Variants in ENTREP2 observed in about 807,000 individuals in gnomAD.
The protein encoded by ENTREP2 is endosomal transmembrane epsin interactor 2.
chr15:29,461,618 G>A, the ENTREP2 span, among the ~76,000 whole-genome samples: 1 of 151,986 alleles, frequency 6.6e-6, no homozygotes, highest in East Asian at 1.9e-4. Flanking sequence ...AGTAGTACAG[G>A]TGTCTGCCAC....
At chr15:29,434,619 C>A in the ENTREP2 span, among the ~76,000 whole-genome samples, 1 of 152,150 alleles carries the variant, frequency 6.6e-6, no homozygotes, top group Non-Finnish European at 1.5e-5. Context: ...ATCTCACTCT[C>A]GCAGGTTTGA....
the ENTREP2 span, among the ~76,000 whole-genome samples, chr15:29,119,599 TAAA>T: frequency 3.6e-5 from 1 of 27,724 alleles, no homozygotes; most frequent in African/African-American, 8.6e-5. Context: ...TAGAGTATAA[TAAA>T]AAAAAAATTA....
At chr15:29,461,402 T>C in the ENTREP2 span, among the ~76,000 whole-genome samples, 17 of 152,308 alleles carry the variant, frequency 1.1e-4, no homozygotes, top group East Asian at 2.9e-3. Flanking sequence ...TCAAGAAAGG[T>C]AATTTTTCAT....
At chr15:29,631,026 TCTC>T in the ENTREP2 span, among the ~76,000 whole-genome samples, 2 of 152,216 alleles carry the variant, frequency 1.3e-5, no homozygotes, top group African/African-American at 4.8e-5. Context: ...CTAATTTTAT[TCTC>T]CGTCATCTCT....
the ENTREP2 span, among the ~76,000 whole-genome samples, chr15:29,125,923 T>G: frequency 2.7e-4 from 41 of 152,270 alleles, no homozygotes; most frequent in East Asian, 7.6e-3. Flanking sequence ...GACACCCCCA[T>G]GCCCAGAGCT....
At chr15:29,572,468 CCATT>C in the ENTREP2 span, among the ~76,000 whole-genome samples, 14 of 152,020 alleles carry the variant, frequency 9.2e-5, no homozygotes, top group Admixed American at 2.0e-4. Flanking sequence ...ATCATCTCCC[CCATT>C]CATTCATTCA....
the ENTREP2 span, among the ~76,000 whole-genome samples, chr15:29,218,603 G>A: frequency 1.3e-5 from 2 of 152,022 alleles, no homozygotes; most frequent in South Asian, 2.1e-4. Context: ...GCATAATACT[G>A]GTATAAAAAT....
the ENTREP2 span, among the ~76,000 whole-genome samples, chr15:29,237,897 T>A: frequency 6.6e-6 from 1 of 152,158 alleles, no homozygotes. Flanking sequence ...AAAACTTGTA[T>A]ATAAATGTTT....
At chr15:29,235,104 A>C in the ENTREP2 span, 1 of 1,064,734 alleles carries the variant, frequency 9.4e-7, no homozygotes, top group Non-Finnish European at 1.5e-6. Context: ...CTCATGTCCC[A>C]CAACAGATGT....
the ENTREP2 span, among the ~76,000 whole-genome samples, chr15:29,371,327 C>T: frequency 1.3e-5 from 2 of 149,414 alleles, no homozygotes; most frequent in African/African-American, 5.0e-5. Flanking sequence ...GTGCCACCCT[C>T]CCATACCACC....
the ENTREP2 span, among the ~76,000 whole-genome samples, chr15:29,293,335 C>T: frequency 2.0e-5 from 3 of 152,038 alleles, no homozygotes; most frequent in Non-Finnish European, 2.9e-5. Context: ...ACTGCAAGCT[C>T]CACCTCCTGG....
chr15:29,299,883 G>A, the ENTREP2 span, among the ~76,000 whole-genome samples: 5 of 150,594 alleles, frequency 3.3e-5, no homozygotes, highest in East Asian at 6.0e-4. Context: ...GGTGGGGGAT[G>A]GATGGATGGA....
chr15:29,600,441 AT>A, the ENTREP2 span, among the ~76,000 whole-genome samples: 8,599 of 142,536 alleles, frequency 0.06, 448 homozygotes, highest in African/African-American at 0.16. Flanking sequence ...CTCTCCCACC[AT>A]CATCATCATC....
chr15:29,255,695 C>T, the ENTREP2 span, among the ~76,000 whole-genome samples: 2 of 151,988 alleles, frequency 1.3e-5, no homozygotes, highest in Non-Finnish European at 2.9e-5. Context: ...GAATACTACG[C>T]AACCATAAAA....
At chr15:29,281,479 T>G in the ENTREP2 span, among the ~76,000 whole-genome samples, 3 of 152,122 alleles carry the variant, frequency 2.0e-5, no homozygotes, top group African/African-American at 7.2e-5. Flanking sequence ...AGGAAAACTT[T>G]CCTGTTCTAC....
At chr15:29,195,173 C>T in the ENTREP2 span, 5 of 985,420 alleles carry the variant, frequency 5.1e-6, no homozygotes, top group Non-Finnish European at 6.0e-6. Flanking sequence ...AACCCCGCTG[C>T]ATCTGTCACT....
the ENTREP2 span, among the ~76,000 whole-genome samples, chr15:29,581,004 C>T: frequency 2.0e-5 from 3 of 152,130 alleles, no homozygotes; most frequent in Admixed American, 2.0e-4. Flanking sequence ...AGACCTCGCA[C>T]CAGACCTCAT....
At chr15:29,407,141 G>A in the ENTREP2 span, among the ~76,000 whole-genome samples, 11 of 152,180 alleles carry the variant, frequency 7.2e-5, no homozygotes, top group South Asian at 4.1e-4. Context: ...CCTAGATGGC[G>A]AAGCCCACTA....
the ENTREP2 span, among the ~76,000 whole-genome samples, chr15:29,461,915 A>C: frequency 1.3e-5 from 2 of 151,330 alleles, no homozygotes; most frequent in African/African-American, 2.4e-5. Flanking sequence ...ATTCCTCCCT[A>C]GCCCCGTCCC....
Sources: allele counts gnomAD v4.1 joint callset (sites outside exome capture counted in the v4.1 genomes callset), GRCh38; gene constraint gnomAD v4.1.1; transcripts MANE v1.5; gene names NCBI Gene and HGNC (gene_info 2026-07-23, HGNC 2026-07-21).